Variants in ABL1 observed in about 807,000 individuals in gnomAD.
ABL1 encodes tyrosine-protein kinase ABL1.
A neutral mutation model predicts 94.7 loss-of-function variants in ABL1; 11 were observed. That is an observed-to-expected ratio of 0.12 (90% CI 0.07 to 0.19). The LOEUF is 0.19. Among genes scored for constraint, ABL1 ranks in the 10% least tolerant of loss-of-function variants. The pLI, the probability that ABL1 is intolerant of heterozygous loss-of-function variation, is 1.00. For synonymous variants in ABL1, 656 were observed against 622.4 expected, an observed-to-expected ratio of 1.05 and a Z score of -0.80; for missense variants, 1,082 against 1,489.4, an observed-to-expected ratio of 0.73 and a Z score of 4.50.
chr9:130,797,246 A>G (rs1385957801), intron 1 of ABL1, among the ~76,000 whole-genome samples: 3 of 128,394 alleles, frequency 2.3e-5, no homozygotes, highest in African/African-American at 9.5e-5. Flanking sequence ...GAAAAAAAAA[A>G]AAAAAAAAAA....
intron 1 of ABL1, among the ~76,000 whole-genome samples, chr9:130,817,109 T>C (rs1830297501): frequency 6.6e-6 from 1 of 152,232 alleles, no homozygotes; most frequent in Admixed American, 6.5e-5. Flanking sequence ...ATAAGTAGAA[T>C]TATAAAGTAT....
intron 1 of ABL1, among the ~76,000 whole-genome samples, chr9:130,798,535 A>AC (rs1200606473): frequency 6.6e-6 from 1 of 151,686 alleles, no homozygotes. Flanking sequence ...TTTCTTGAAA[A>AC]CCCTACAGCA....
intron 1 of ABL1, among the ~76,000 whole-genome samples, chr9:130,726,210 G>GT (rs71389341): frequency 1.3e-5 from 2 of 151,582 alleles, no homozygotes; most frequent in Non-Finnish European, 2.9e-5. Flanking sequence ...GGCACAAATT[G>GT]AATGTACAGC....
chr9:130,790,872 C>T (rs1829900376), intron 1 of ABL1, among the ~76,000 whole-genome samples: 1 of 152,128 alleles, frequency 6.6e-6, no homozygotes, highest in Non-Finnish European at 1.5e-5. Context: ...ATCCTGGATA[C>T]CTAGAATATG....
chr9:130,755,061 C>T (rs1260822426), intron 1 of ABL1, among the ~76,000 whole-genome samples: 1 of 152,126 alleles, frequency 6.6e-6, no homozygotes, highest in African/African-American at 2.4e-5. Context: ...ATATTAGCAC[C>T]ATGAAAGCTC....
Position 130,873,054 on chromosome 9 carries a change from G to A in ABL1, c.1085+17G>A, listed in dbSNP as rs764294138. ...CATCCACAGGTAGGGGCCTGGCCAG[G>A]CAGCCTGCGCCATGGAGTCACAGGG... On this transcript the variant is annotated intron_variant, in intron 6 of 10. Transcript: ENST00000318560. 1.2e-6 allele frequency: 2 copies of A among 1,608,478 alleles called. No individual in the cohort carries two copies. Among genetic ancestry groups the A allele is most frequent in the South Asian group, 1.1e-5 (1 of 90,662 alleles).
At chr9:130,812,598 TATTTC>T (rs1261020417) in intron 1 of ABL1, among the ~76,000 whole-genome samples, 2 of 152,196 alleles carry the variant, frequency 1.3e-5, no homozygotes, top group African/African-American at 4.8e-5. Context: ...AAAGGAGAAT[TATTTC>T]ATAATAATAA....
upstream of ABL1, among the ~76,000 whole-genome samples, chr9:130,833,342 A>C (rs1385755888): frequency 1.3e-5 from 2 of 152,184 alleles, no homozygotes; most frequent in Non-Finnish European, 2.9e-5. Flanking sequence ...AAACAGACAG[A>C]TACTGTATTT....
intron 1 of ABL1, among the ~76,000 whole-genome samples, chr9:130,759,286 G>A (rs912148182): frequency 1.1e-4 from 17 of 152,140 alleles, no homozygotes; most frequent in Admixed American, 9.8e-4. Flanking sequence ...CCAACTGGTC[G>A]TTGTCAACTT....
At position 130,774,704 on chromosome 9, in the gene ABL1, G is replaced by A. The variant is rs550073565; in HGVS notation, c.136+60249G>A. On this transcript the variant is annotated intron_variant, in intron 1 of 10. Coordinates refer to the ABL1 transcript ENST00000372348. The stretch of plus-strand genomic sequence containing the variant: ...GCAAACAAACAAACAAAATTAGCCA[G>A]GCATGGTGGCGTGCATCTATAGTCC... 2.1e-4 allele frequency among the ~76,000 whole-genome samples: 32 copies of A among 152,144 alleles called. 2 individuals are homozygous for A. In the South Asian group the frequency reaches 6.6e-3, roughly 32 times the overall value.
At chr9:130,820,989 G>A (rs1830353420) in intron 1 of ABL1, among the ~76,000 whole-genome samples, 1 of 151,958 alleles carries the variant, frequency 6.6e-6, no homozygotes, top group Admixed American at 6.6e-5. Context: ...GAGTGCAGTG[G>A]TGCAATCTCG....
chr9:130,781,503 G>A (rs1224978719), intron 1 of ABL1, among the ~76,000 whole-genome samples: 1 of 152,204 alleles, frequency 6.6e-6, no homozygotes, highest in African/African-American at 2.4e-5. Context: ...AATTGCCAGA[G>A]AAGAATCTTC....
At chr9:130,819,589 A>G (rs1588252094) in intron 1 of ABL1, among the ~76,000 whole-genome samples, 1 of 119,242 alleles carries the variant, frequency 8.4e-6, no homozygotes, top group African/African-American at 3.3e-5. Flanking sequence ...CCCAGGCCGG[A>G]GTGCAGTGGC....
At chr9:130,848,666 G>A (rs192113571) in intron 1 of ABL1, among the ~76,000 whole-genome samples, 76 of 152,252 alleles carry the variant, frequency 5.0e-4, no homozygotes, top group Admixed American at 3.5e-3. Flanking sequence ...GCCAGACACG[G>A]TGGCTCACGC....
At chr9:130,760,487 ATTC>A (rs1371629816) in intron 1 of ABL1, among the ~76,000 whole-genome samples, 2 of 152,154 alleles carry the variant, frequency 1.3e-5, no homozygotes, top group Non-Finnish European at 2.9e-5. Context: ...AGTAGGATGT[ATTC>A]TGATCTTTTT....
At chr9:130,725,824 G>GTTTTTTTGTTTTTTTT (rs1831574566) in intron 1 of ABL1, among the ~76,000 whole-genome samples, 1 of 76,002 alleles carries the variant, frequency 1.3e-5, no homozygotes, top group African/African-American at 6.5e-5. Flanking sequence ...GTGTATGGTG[G>GTTTTTTTGTTTTTTTT]TTTTTTTTTT....
chr9:130,743,320 G>A (rs941752966), intron 1 of ABL1, among the ~76,000 whole-genome samples: 6 of 152,162 alleles, frequency 3.9e-5, no homozygotes, highest in East Asian at 1.9e-4. Context: ...TGATCCACCC[G>A]TCTTGGCCTC....
At chr9:130,868,779 C>G (rs983327309) in intron 4 of ABL1, among the ~76,000 whole-genome samples, 15 of 152,208 alleles carry the variant, frequency 9.9e-5, no homozygotes, top group Admixed American at 7.2e-4. Context: ...CTCGGCCCCC[C>G]AGAGAGGCCA....
At chr9:130,842,186 G>A (rs1428865735) in intron 1 of ABL1, among the ~76,000 whole-genome samples, 1 of 152,208 alleles carries the variant, frequency 6.6e-6, no homozygotes, top group African/African-American at 2.4e-5. Flanking sequence ...GGCAGCTGAT[G>A]TATGGATGGG....
Sources: allele counts gnomAD v4.1 joint callset (sites outside exome capture counted in the v4.1 genomes callset), GRCh38; gene constraint gnomAD v4.1.1; transcripts MANE v1.5; gene names NCBI Gene and HGNC (gene_info 2026-07-23, HGNC 2026-07-21).